Variants in CADM2 observed in about 807,000 individuals in gnomAD.
CADM2 encodes immunoglobulin superfamily member 4D.
CADM2 carries 12 observed loss-of-function variants against 49.8 expected under a neutral mutation model. That is an observed-to-expected ratio of 0.24 (90% CI 0.15 to 0.39). The LOEUF is 0.39. CADM2 is among the 10% of genes least tolerant of loss of function. CADM2 has a pLI of 1.00. For synonymous variants in CADM2, 214 were observed against 175.4 expected (o/e 1.22, Z -1.74); for missense variants, 378 against 492.3 (o/e 0.77, Z 2.20).
intron 1 of CADM2, among the ~76,000 whole-genome samples, chr3:85,566,642 C>T (rs993553426): frequency 1.3e-5 from 2 of 151,952 alleles, no homozygotes; most frequent in East Asian, 1.9e-4. Context: ...AGCTCACCTC[C>T]GTAACAAAAA....
Position 86,072,356 on chromosome 3 carries a change from A to G in CADM2, c.*5573A>G, listed in dbSNP as rs1373687926. The G allele has an allele frequency of 6.6e-6, 1 of 151,482 alleles. No homozygotes were observed. Among genetic ancestry groups the G allele is most frequent in the Non-Finnish European group, 1.5e-5 (1 of 67,840 alleles). The allele number at this position is 151,482 out of a possible 1,614,324, so 9.4% of individuals were successfully genotyped here. Reference sequence around the variant, plus strand: ...GTTATATATATATGTCAAGAAATGTATGATTATTTTGGAGAGAATGGGCCC... The same window carrying G: ...GTTATATATATATGTCAAGAAATGTGTGATTATTTTGGAGAGAATGGGCCC... On this transcript the variant is annotated 3_prime_UTR_variant, in exon 10 of 10. Transcript: ENST00000383699.
intron 1 of CADM2, among the ~76,000 whole-genome samples, chr3:85,192,942 ATATAAATGATGCAAG>A (rs1365550457): frequency 6.6e-6 from 1 of 152,118 alleles, no homozygotes; most frequent in Non-Finnish European, 1.5e-5. Flanking sequence ...TCTTCTGGAA[ATATAAATGATGCAAG>A]TATAAATGAT....
At chr3:85,960,192 T>C (rs1282141156) in intron 7 of CADM2, among the ~76,000 whole-genome samples, 1 of 151,972 alleles carries the variant, frequency 6.6e-6, no homozygotes, top group African/African-American at 2.4e-5. Context: ...ACAATATTTG[T>C]TATTATTTTT....
At chr3:85,279,799 T>C (rs2043455603) in intron 1 of CADM2, among the ~76,000 whole-genome samples, 1 of 151,630 alleles carries the variant, frequency 6.6e-6, no homozygotes, top group Non-Finnish European at 1.5e-5. Flanking sequence ...CCATCACTGG[T>C]CTTTAAAAGA....
At chr3:85,608,576 C>T (rs1576922988) in intron 1 of CADM2, among the ~76,000 whole-genome samples, 1 of 151,998 alleles carries the variant, frequency 6.6e-6, no homozygotes, top group South Asian at 2.1e-4. Context: ...ATTGTAAAAT[C>T]GATGGGATAA....
intron 1 of CADM2, among the ~76,000 whole-genome samples, chr3:85,130,056 A>T (rs1369982873): frequency 6.6e-6 from 1 of 152,236 alleles, no homozygotes. Context: ...TAAGTTATCC[A>T]TTAGGAAATA....
intron 1 of CADM2, among the ~76,000 whole-genome samples, chr3:85,396,727 A>G (rs989735758): frequency 1.3e-5 from 2 of 152,118 alleles, no homozygotes; most frequent in African/African-American, 4.8e-5. Flanking sequence ...TGCAAAAAAT[A>G]TAGTAGGGCT....
At chr3:85,463,384 TTTGA>T (rs2038344067) in intron 1 of CADM2, among the ~76,000 whole-genome samples, 1 of 152,152 alleles carries the variant, frequency 6.6e-6, no homozygotes, top group Admixed American at 6.6e-5. Flanking sequence ...CTTGGGCAGG[TTTGA>T]TTGTTTTGGA....
chr3:85,519,666 G>T (rs2060986819), intron 1 of CADM2, among the ~76,000 whole-genome samples: 1 of 152,060 alleles, frequency 6.6e-6, no homozygotes, highest in Non-Finnish European at 1.5e-5. Context: ...AGTAAGTAAA[G>T]TTCTAAGAAG....
chr3:85,985,128 C>T (rs1224979431), intron 8 of CADM2, among the ~76,000 whole-genome samples: 1 of 151,884 alleles, frequency 6.6e-6, no homozygotes, highest in African/African-American at 2.4e-5. Context: ...GTGACTTACA[C>T]ATAACAAATA....
chr3:85,844,743 C>A (rs1382237974), intron 3 of CADM2, among the ~76,000 whole-genome samples: 1 of 152,044 alleles, frequency 6.6e-6, no homozygotes, highest in African/African-American at 2.4e-5. Flanking sequence ...CACATGTATA[C>A]CATATGTAAC....
chr3:85,566,234 G>C (rs1422874523), intron 1 of CADM2, among the ~76,000 whole-genome samples: 1 of 151,938 alleles, frequency 6.6e-6, no homozygotes, highest in Non-Finnish European at 1.5e-5. Flanking sequence ...GCATCAATTT[G>C]ATAGCATTAA....
At chr3:86,051,967 C>CA (rs5850728) in intron 8 of CADM2, among the ~76,000 whole-genome samples, 46,207 of 150,650 alleles carry the variant, frequency 0.31, 8,373 homozygotes, top group Admixed American at 0.39. Flanking sequence ...CAGTGACTTT[C>CA]AAAAAAAAAC....
chr3:85,665,776 C>T (rs1002716859), intron 1 of CADM2, among the ~76,000 whole-genome samples: 2 of 151,982 alleles, frequency 1.3e-5, no homozygotes. Context: ...ATTTTTAACT[C>T]TCATTCACAC....
chr3:85,879,868 G>A (rs1194319027), intron 3 of CADM2, among the ~76,000 whole-genome samples: 1 of 152,100 alleles, frequency 6.6e-6, no homozygotes, highest in Non-Finnish European at 1.5e-5. Context: ...GTGTGTGTGT[G>A]TTTATATGTT....
intron 8 of CADM2, among the ~76,000 whole-genome samples, chr3:85,985,447 G>A (rs1397142835): frequency 6.6e-6 from 1 of 151,872 alleles, no homozygotes; most frequent in Non-Finnish European, 1.5e-5. Flanking sequence ...AGGACATATG[G>A]TCCAACAGAC....
At chr3:85,838,064 C>T (rs1443557554) in intron 3 of CADM2, among the ~76,000 whole-genome samples, 1 of 151,594 alleles carries the variant, frequency 6.6e-6, no homozygotes, top group East Asian at 1.9e-4. Flanking sequence ...TTTTTGACAA[C>T]AATATTTTAG....
chr3:85,016,272 C>G (rs1287745082), intron 1 of CADM2, among the ~76,000 whole-genome samples: 1 of 151,884 alleles, frequency 6.6e-6, no homozygotes, highest in Non-Finnish European at 1.5e-5. Context: ...TGTAGAGGCA[C>G]TAATAATATA....
chr3:85,383,537 T>TATATAC (rs1464540835), intron 1 of CADM2, among the ~76,000 whole-genome samples: 4 of 145,344 alleles, frequency 2.8e-5, no homozygotes, highest in Non-Finnish European at 4.5e-5. Flanking sequence ...TATATATATA[T>TATATAC]ACATATATAT....
Sources: gnomAD v4.1 joint callset for allele counts (sites outside exome capture counted in the v4.1 genomes callset) on GRCh38, gnomAD v4.1.1 for gene constraint, MANE v1.5 for transcripts, NCBI Gene and HGNC (gene_info 2026-07-23, HGNC 2026-07-21) for gene names.